Variants in MCM3AP observed in about 807,000 individuals in gnomAD.
MCM3AP encodes the protein minichromosome maintenance complex component 3 associated protein.
MCM3AP carries 126 observed loss-of-function variants against 184.1 expected under a neutral mutation model. That is an observed-to-expected ratio of 0.68 (90% CI 0.59 to 0.79). The LOEUF (loss-of-function observed/expected upper bound fraction) is 0.79. Among genes scored for constraint, MCM3AP ranks in the 30% least tolerant of loss-of-function variants. The probability of loss-of-function intolerance (pLI) is 0.00; values close to 1 mark genes in which losing one functional copy is unlikely to be tolerated. For synonymous variants in MCM3AP, 1,002 were observed against 979.3 expected (o/e 1.02, Z -0.43); for missense variants, 2,496 against 2,479.2 (o/e 1.01, Z -0.14).
Position 46,239,864 on chromosome 21 carries a change from G to A in MCM3AP, c.5633+947C>T, listed in dbSNP as rs17183325. Among the ~76,000 whole-genome samples, 492 of 152,200 alleles carry A rather than the reference G, an allele frequency of 3.2e-3. 2 individuals are homozygous for A. Among genetic ancestry groups the A allele is most frequent in the Middle Eastern group, 0.017 (5 of 294 alleles). The stretch of plus-strand genomic sequence containing the variant: ...CAGGAGGGGGACCACGGACATCCTA[G>A]GAGCAAGGAGGGGAGGATCAAGTAT... On this transcript the variant is annotated intron_variant, in intron 26 of 27. Coordinates refer to ENST00000291688, the MANE Select transcript of MCM3AP (RefSeq NM_003906.5).
chr21:46,236,756 A>G (rs1569046656), intron 27 of MCM3AP, 73 bp downstream of exon 27: 3 of 1,021,362 alleles, frequency 2.9e-6, no homozygotes, highest in Non-Finnish European at 4.3e-6. Flanking sequence ...AAATCGTGAT[A>G]TTACTTTTTT....
At chr21:46,267,898 T>TAA (rs17182795) in intron 9 of MCM3AP, 3 of 144,264 alleles carry the variant, frequency 2.1e-5, no homozygotes, top group Non-Finnish European at 3.0e-5. Context: ...ACCAGTGTCT[T>TAA]AAAAAAAAGA....
chr21:46,278,078 C>G (rs1234014480), intron 4 of MCM3AP, among the ~76,000 whole-genome samples: 1 of 151,536 alleles, frequency 6.6e-6, no homozygotes, highest in East Asian at 1.9e-4. Flanking sequence ...TTGAGCCTGG[C>G]AGGCAGAGGT....
intron 5 of MCM3AP, among the ~76,000 whole-genome samples, chr21:46,275,694 C>T (rs1442844963): frequency 6.6e-6 from 1 of 152,068 alleles, no homozygotes; most frequent in Non-Finnish European, 1.5e-5. Context: ...GTAATGACCT[C>T]AATGACAAAA....
At position 46,267,159 on chromosome 21, in the gene MCM3AP, A is replaced by G; in HGVS notation, c.2629-17T>C. The G allele has an allele frequency of 6.2e-7, 1 of 1,611,184 alleles. No homozygotes were observed. Among genetic ancestry groups the G allele is most frequent in the Non-Finnish European group, 8.5e-7 (1 of 1,178,778 alleles). On this transcript the variant is annotated splice_polypyrimidine_tract_variant and intron_variant, in intron 9 of 27. Coordinates refer to ENST00000291688, the MANE Select transcript of MCM3AP (RefSeq NM_003906.5). ...CTTGCGGATCTGAGAGGAGGAGCGAAATCACTGCAGTCTCAGACGAAGGCC... is the reference window on the plus strand; with the variant it reads ...CTTGCGGATCTGAGAGGAGGAGCGAGATCACTGCAGTCTCAGACGAAGGCC...
At position 46,246,411 on chromosome 21, in the gene MCM3AP, G is replaced by C. The variant is rs1299634001; in HGVS notation, c.4550-7C>G. ...AAGTCCTGTAGCATCAGACCTTTAAGACAGACATAGATGAAGGTCACTTGC... is the reference window on the plus strand; with the variant it reads ...AAGTCCTGTAGCATCAGACCTTTAACACAGACATAGATGAAGGTCACTTGC... On this transcript the variant is annotated splice_region_variant and splice_polypyrimidine_tract_variant and intron_variant, in intron 21 of 27. Transcript: ENST00000291688. The C allele has an allele frequency of 6.4e-7, 1 of 1,559,880 alleles. No individual in the cohort carries two copies. Among genetic ancestry groups the C allele is most frequent in the Admixed American group, 1.7e-5 (1 of 59,968 alleles).
intron 25 of MCM3AP, 78 bp from the exon 26 acceptor site, chr21:46,241,095 T>A (rs948003777): frequency 1.1e-5 from 12 of 1,060,320 alleles, no homozygotes; most frequent in Non-Finnish European, 1.7e-5. Flanking sequence ...GTAGATACAT[T>A]TGCACATGTG....
intron 25 of MCM3AP, 198 bp downstream of exon 25, chr21:46,242,603 AT>A (rs2080687255): frequency 2.2e-6 from 1 of 452,206 alleles, no homozygotes; most frequent in Non-Finnish European, 3.9e-6. Flanking sequence ...AGGGTCAGGT[AT>A]GCCTGATAAA....
At chr21:46,246,476 C>T in intron 21 of MCM3AP, 72 bp from the exon 22 acceptor site, 1 of 1,366,806 alleles carries the variant, frequency 7.3e-7, no homozygotes, top group Non-Finnish European at 1.0e-6. Flanking sequence ...TCTCACTGTG[C>T]TGACCCCACC....
chr21:46,241,297 C>CA (rs1260482632), intron 25 of MCM3AP: 1 of 328,050 alleles, frequency 3.0e-6, no homozygotes, highest in Non-Finnish European at 5.6e-6. Flanking sequence ...CTTCTGCTCT[C>CA]AAGAGGCAGC....
chr21:46,243,478 A>G lies in MCM3AP; in HGVS notation c.5283T>C (p.Leu1761=). The G allele has an allele frequency of 6.2e-7, 1 of 1,609,726 alleles. No individual in the cohort carries two copies. The change falls in exon 24 of 28, where the codon CTT becomes CTC. Residue 1761 remains leucine (L), a synonymous_variant. Coordinates refer to ENST00000291688, the MANE Select transcript of MCM3AP (RefSeq NM_003906.5). ...AGCTCTAATTACCTGATGTAACAGG[A>G]AGCCGGGGGGGCGTCCAGTCTCTCA... is the stretch of plus-strand genomic sequence containing the variant. ...HKLRDWTPPR[L]PVTSEALSED...
Position 46,243,580 on chromosome 21 carries a change from G to A in MCM3AP, c.5181C>T (p.Ser1727=), listed in dbSNP as rs1336223362. Residue 1727 remains serine (S), a synonymous_variant, in exon 24 of 28, where the codon TCC becomes TCT. Transcript: ENST00000291688. The part of the protein sequence containing the change: ...TYCRWKSKSP[S]PVHGAGPSVM... Reference sequence around the variant, plus strand: ...CCGAGGGGCCTGCCCCATGGACTGGGGAGGGACTCTTGCTCTTCCACCTAC... The same window carrying A: ...CCGAGGGGCCTGCCCCATGGACTGGAGAGGGACTCTTGCTCTTCCACCTAC... 2 of 1,614,228 alleles carry A rather than the reference G, an allele frequency of 1.2e-6. No individual in the cohort carries two copies. Among genetic ancestry groups the A allele is most frequent in the Admixed American group, 1.7e-5 (1 of 60,030 alleles).
chr21:46,259,412 C>A (rs932369945), intron 15 of MCM3AP: 56 of 178,476 alleles, frequency 3.1e-4, no homozygotes, highest in Middle Eastern at 2.4e-3. Flanking sequence ...GCAGAGATCG[C>A]GCCACTGCAC....
At chr21:46,281,487 T>C (rs556765916) in intron 2 of MCM3AP, among the ~76,000 whole-genome samples, 1 of 152,264 alleles carries the variant, frequency 6.6e-6, no homozygotes, top group African/African-American at 2.4e-5. Flanking sequence ...AAGGTTCAGC[T>C]GGGAAAATAA....
chr21:46,245,597 T>TA (rs2080753263), intron 22 of MCM3AP, among the ~76,000 whole-genome samples: 3 of 152,226 alleles, frequency 2.0e-5, no homozygotes, highest in Admixed American at 2.0e-4. Flanking sequence ...ATGGTTATCT[T>TA]ACTTCCTATA....
At position 46,284,384 on chromosome 21, in the gene MCM3AP, T is replaced by C. The variant is rs150252698; in HGVS notation, c.903A>G (p.Pro301=). The change falls in exon 1 of 28, where the codon CCA becomes CCG. Residue 301 remains proline, a synonymous_variant. Transcript: ENST00000291688. ...CTGCTGGCTCGTGGCCATGTCTCCT[T>C]GGGGAGCGATCCTGGTCCTCCTTCC... is the stretch of plus-strand genomic sequence containing the variant. The part of the protein sequence containing the change: ...LKRKEDQDRS[P]RRHGHEPAED... 29 of 1,614,080 alleles carry C rather than the reference T, an allele frequency of 1.8e-5. No homozygotes were observed. In the African/African-American group the frequency reaches 3.7e-4, roughly 21 times the overall value.
rs376103069 is a variant in MCM3AP at position 46,266,089 on chromosome 21, C to T, written c.2867G>A (p.Arg956Lys). The T allele has an allele frequency of 3.0e-5, 49 of 1,612,514 alleles. No homozygotes were observed. The Middle Eastern group carries it at 5.6e-3, about 185-fold the overall frequency. The part of the protein sequence containing the change: ...SKTRKSVFIT[R>K]KLTVSVGEIV... The stretch of plus-strand genomic sequence containing the variant: ...TTCCCCGACTGACACCGTCAGCTTC[C>T]TAGTAATAAACACCGACTTCCTGGT... The change falls in exon 11 of 28, where the codon AGG (arginine) becomes AAG (lysine). Residue 956 changes from arginine to lysine, a missense_variant. Transcript: ENST00000291688.
At chr21:46,272,472 T>G (rs1399310835) in intron 8 of MCM3AP, 89 bp downstream of exon 8, 2 of 1,311,960 alleles carry the variant, frequency 1.5e-6, no homozygotes, top group African/African-American at 1.5e-5. Context: ...TGCTGCACTA[T>G]TGGCTACTGC....
intron 8 of MCM3AP, among the ~76,000 whole-genome samples, chr21:46,271,323 TG>T (rs774027760): frequency 1.3e-4 from 18 of 142,038 alleles, no homozygotes; most frequent in Non-Finnish European, 2.0e-4. Context: ...CCACCACACC[TG>T]GGTTTTTTTT....
Sources: allele counts gnomAD v4.1 joint callset (sites outside exome capture counted in the v4.1 genomes callset), GRCh38; gene constraint gnomAD v4.1.1; transcripts MANE v1.5; gene names NCBI Gene and HGNC (gene_info 2026-07-23, HGNC 2026-07-21).